CDH13: variants seen among roughly 807,000 people sequenced by gnomAD.
CDH13 encodes cadherin-13.
In CDH13, 24 loss-of-function variants were observed where a neutral mutation model predicts 63.8. That is an observed-to-expected ratio of 0.38 (90% CI 0.27 to 0.53). The LOEUF is 0.53. Among genes scored for constraint, CDH13 ranks in the 20% least tolerant of loss-of-function variants. CDH13 has a pLI of 0.85. For synonymous variants in CDH13, 503 were observed against 355.3 expected (o/e 1.42, Z -4.67); for missense variants, 1,049 against 903.1 (o/e 1.16, Z -2.07).
intron 10 of CDH13, among the ~76,000 whole-genome samples, chr16:83,715,885 G>T (rs1030782321): frequency 6.6e-6 from 1 of 152,102 alleles, no homozygotes; most frequent in Non-Finnish European, 1.5e-5. Context: ...TGCCTTCCTG[G>T]GTGGGGAAAA....
intron 2 of CDH13, among the ~76,000 whole-genome samples, chr16:82,997,396 T>G (rs1368602809): frequency 6.6e-6 from 1 of 152,076 alleles, no homozygotes; most frequent in Non-Finnish European, 1.5e-5. Flanking sequence ...TCTCTTTGGG[T>G]CCAAATTTAA....
chr16:83,305,019 C>G (rs989590485), intron 5 of CDH13, among the ~76,000 whole-genome samples: 2 of 151,966 alleles, frequency 1.3e-5, no homozygotes, highest in African/African-American at 4.8e-5. Flanking sequence ...ATACGCATTC[C>G]CCACAGACCG....
intron 2 of CDH13, among the ~76,000 whole-genome samples, chr16:82,896,537 C>G (rs142712022): frequency 6.6e-6 from 1 of 151,660 alleles, no homozygotes; most frequent in Non-Finnish European, 1.5e-5. Flanking sequence ...CTCAAGCAAT[C>G]CGCCTGCCTT....
At chr16:83,794,324 G>C (rs1419544507) in intron 13 of CDH13, among the ~76,000 whole-genome samples, 1 of 152,212 alleles carries the variant, frequency 6.6e-6, no homozygotes, top group Non-Finnish European at 1.5e-5. Flanking sequence ...AGGCCAAGAT[G>C]GGAGGATCGC....
At chr16:82,841,499 A>T (rs189114948) in intron 1 of CDH13, among the ~76,000 whole-genome samples, 1 of 152,328 alleles carries the variant, frequency 6.6e-6, no homozygotes, top group Admixed American at 6.5e-5. Flanking sequence ...ATCTCTGATC[A>T]TTTGAGCTAG....
chr16:82,973,039 C>T (rs1266314189), intron 2 of CDH13, among the ~76,000 whole-genome samples: 2 of 152,202 alleles, frequency 1.3e-5, no homozygotes, highest in South Asian at 2.1e-4. Context: ...TCAGAATTTA[C>T]TGCCACTTTT....
intron 4 of CDH13, among the ~76,000 whole-genome samples, chr16:83,157,487 C>T (rs1435773561): frequency 6.6e-6 from 1 of 152,178 alleles, no homozygotes; most frequent in Non-Finnish European, 1.5e-5. Context: ...CTTTTAAAGT[C>T]TAAATGCAGT....
intron 10 of CDH13, among the ~76,000 whole-genome samples, chr16:83,699,818 C>T (rs921564507): frequency 2.0e-5 from 3 of 152,204 alleles, no homozygotes; most frequent in African/African-American, 7.2e-5. Context: ...TCCCATCCGT[C>T]TGTATTTCTC....
chr16:83,718,602 C>T (rs1031808089), intron 10 of CDH13, among the ~76,000 whole-genome samples: 39 of 151,970 alleles, frequency 2.6e-4, no homozygotes, highest in African/African-American at 7.5e-4. Flanking sequence ...CTGGAACCAT[C>T]GAGGTGCCGG....
At chr16:82,798,725 C>T (rs1278977760) in intron 1 of CDH13, among the ~76,000 whole-genome samples, 1 of 152,074 alleles carries the variant, frequency 6.6e-6, no homozygotes, top group African/African-American at 2.4e-5. Context: ...CTGAGTGAGG[C>T]TGTACTGGGA....
intron 5 of CDH13, among the ~76,000 whole-genome samples, chr16:83,282,323 A>G (rs1219145978): frequency 1.3e-5 from 2 of 152,264 alleles, no homozygotes; most frequent in African/African-American, 2.4e-5. Flanking sequence ...CAAAGTGAGA[A>G]TATGTTGATA....
chr16:82,996,954 A>ATGG (rs1395417073), intron 2 of CDH13, among the ~76,000 whole-genome samples: 2 of 140,214 alleles, frequency 1.4e-5, no homozygotes, highest in Non-Finnish European at 3.1e-5. Flanking sequence ...GTTGTTGATG[A>ATGG]TGGTGGTGGT....
intron 1 of CDH13, among the ~76,000 whole-genome samples, chr16:82,712,024 G>A (rs1199637916): frequency 5.3e-5 from 8 of 152,054 alleles, no homozygotes; most frequent in South Asian, 4.1e-4. Flanking sequence ...CTGCTCTCTC[G>A]CCTTCCTGCA....
chr16:83,728,342 CGTGT>C (rs145865689), intron 10 of CDH13, among the ~76,000 whole-genome samples: 3 of 149,212 alleles, frequency 2.0e-5, no homozygotes, highest in Non-Finnish European at 3.0e-5. Context: ...TATGTGTGTG[CGTGT>C]GTGTGTGTGT....
chr16:83,553,774 C>G (rs771790576), intron 7 of CDH13, among the ~76,000 whole-genome samples: 12 of 152,332 alleles, frequency 7.9e-5, no homozygotes, highest in Non-Finnish European at 1.5e-4. Context: ...CTAGGCTGGT[C>G]TTGAACTCCT....
chr16:82,667,762 G>C (rs4783254), intron 1 of CDH13, among the ~76,000 whole-genome samples: 86,295 of 151,872 alleles, frequency 0.57, 24,723 homozygotes, highest in East Asian at 0.69. Flanking sequence ...CTTCTGAGCC[G>C]CCACAGCTCA....
chr16:83,752,048 A>C (rs956007588), intron 11 of CDH13, among the ~76,000 whole-genome samples: 2 of 152,370 alleles, frequency 1.3e-5, no homozygotes, highest in East Asian at 1.9e-4. Flanking sequence ...CAGGGATGAA[A>C]ATAAGCCAAG....
intron 1 of CDH13, among the ~76,000 whole-genome samples, chr16:82,671,094 G>A (rs1030227255): frequency 1.1e-4 from 17 of 151,684 alleles, no homozygotes; most frequent in Non-Finnish European, 2.4e-4. Context: ...CGAGGGGAAA[G>A]TCATCAAGCC....
intron 1 of CDH13, among the ~76,000 whole-genome samples, chr16:82,657,959 A>G (rs3910222): frequency 0.34 from 52,041 of 152,066 alleles, 9,151 homozygotes; most frequent in African/African-American, 0.43. Flanking sequence ...ATGTTGAAAA[A>G]CAATGGTAAG....
Sources: gnomAD v4.1 joint callset for allele counts (sites outside exome capture counted in the v4.1 genomes callset) on GRCh38, gnomAD v4.1.1 for gene constraint, MANE v1.5 for transcripts, NCBI Gene and HGNC (gene_info 2026-07-23, HGNC 2026-07-21) for gene names.